Variants in NPAS3 observed in about 807,000 individuals in gnomAD.
NPAS3 encodes neuronal PAS domain-containing protein 3.
Under a neutral mutation model 73.1 loss-of-function variants are expected in NPAS3, and 14 were observed. The observed-to-expected ratio is 0.19, with a 90% CI of 0.13 to 0.30. The LOEUF (loss-of-function observed/expected upper bound fraction) is 0.30. Ranked by LOEUF, NPAS3 falls within the 10% of genes least tolerant of loss-of-function variation. The pLI is 1.00. For missense variants in NPAS3, 1,096 were observed against 1,250.0 expected (o/e 0.88, Z 1.86); for synonymous variants, 620 against 541.5 (o/e 1.14, Z -2.01).
At chr14:33,676,475 T>A in intron 6 of NPAS3, 90 bp downstream of exon 6, 1 of 1,105,948 alleles carries the variant, frequency 9.0e-7, no homozygotes, top group Non-Finnish European at 1.3e-6. Context: ...AGACTATAAA[T>A]AGGTCTAAGG....
chr14:33,695,377 G>C (rs745990959), intron 6 of NPAS3, among the ~76,000 whole-genome samples: 4 of 152,116 alleles, frequency 2.6e-5, no homozygotes, highest in Non-Finnish European at 2.9e-5. Flanking sequence ...GTTTCCCAAA[G>C]TGAAAATAAT....
chr14:33,665,494 C>T (rs1235615134), intron 5 of NPAS3, among the ~76,000 whole-genome samples: 2 of 152,010 alleles, frequency 1.3e-5, no homozygotes, highest in African/African-American at 2.4e-5. Flanking sequence ...AGACCTTTTC[C>T]GTAAAAGGTG....
chr14:33,285,029 C>A (rs184999121), intron 3 of NPAS3, among the ~76,000 whole-genome samples: 92 of 152,290 alleles, frequency 6.0e-4, no homozygotes, highest in African/African-American at 2.1e-3. Context: ...AAGTGGCTCT[C>A]ATGCACATTT....
chr14:33,566,446 C>CT (rs1280679692), intron 5 of NPAS3, among the ~76,000 whole-genome samples: 1 of 152,080 alleles, frequency 6.6e-6, no homozygotes, highest in Non-Finnish European at 1.5e-5. Context: ...TTCTTCCCCC[C>CT]TTTTCCTTCC....
At position 33,161,812 on chromosome 14, in the gene NPAS3, A is replaced by G. The variant is rs73270571; in HGVS notation, c.141-53370A>G. 8.9e-3 allele frequency among the ~76,000 whole-genome samples: 1,350 copies of G among 152,324 alleles called. 23 individuals are homozygous for G. The highest frequency in any genetic ancestry group is 0.031 in the African/African-American group (1,299 of 41,570). On this transcript the variant is annotated intron_variant, in intron 2 of 11. Transcript: ENST00000356141. ...ATTACAAATGTTCATAAGTACTTTG[A>G]AGGAAACAAGTAGGGGTTGAGGTAG...
intron 6 of NPAS3, among the ~76,000 whole-genome samples, chr14:33,695,028 A>C (rs1295705782): frequency 6.6e-6 from 1 of 152,102 alleles, no homozygotes; most frequent in Admixed American, 6.5e-5. Context: ...TCCTACCACC[A>C]CATCAGTTCT....
intron 4 of NPAS3, among the ~76,000 whole-genome samples, chr14:33,558,181 A>G (rs2055453151): frequency 6.6e-6 from 1 of 152,176 alleles, no homozygotes; most frequent in African/African-American, 2.4e-5. Flanking sequence ...TTCAGAACCC[A>G]AGAAATCAGA....
At chr14:33,687,328 C>T (rs143278273) in intron 6 of NPAS3, among the ~76,000 whole-genome samples, 329 of 152,198 alleles carry the variant, frequency 2.2e-3, no homozygotes, top group African/African-American at 4.9e-3. Flanking sequence ...AGTTCAAAGC[C>T]GTTTCTTTAC....
chr14:32,985,890 A>G (rs969194302), intron 1 of NPAS3, among the ~76,000 whole-genome samples: 27 of 152,208 alleles, frequency 1.8e-4, no homozygotes, highest in Admixed American at 1.6e-3. Context: ...GATCAAGGAT[A>G]TAAATGGCTT....
intron 5 of NPAS3, among the ~76,000 whole-genome samples, chr14:33,635,630 C>T (rs2058493084): frequency 1.3e-5 from 2 of 152,196 alleles, no homozygotes; most frequent in Non-Finnish European, 2.9e-5. Flanking sequence ...CTTCCTCTAA[C>T]TGTTCACCAG....
intron 1 of NPAS3, among the ~76,000 whole-genome samples, chr14:33,018,750 T>A (rs2039484281): frequency 6.6e-6 from 1 of 152,326 alleles, no homozygotes. Context: ...ACTGAATTCA[T>A]TAGGTTACAA....
chr14:33,520,061 G>A (rs2053489190), intron 4 of NPAS3, among the ~76,000 whole-genome samples: 2 of 152,110 alleles, frequency 1.3e-5, no homozygotes. Context: ...GGTTTAATTA[G>A]TTGTTGGATT....
chr14:33,491,517 C>T (rs1174612558), intron 4 of NPAS3, among the ~76,000 whole-genome samples: 1 of 152,052 alleles, frequency 6.6e-6, no homozygotes, highest in Non-Finnish European at 1.5e-5. Flanking sequence ...GTGGCTCATG[C>T]AACTGAGGAG....
rs567262764 is a variant in NPAS3, at chr14:33,203,781, A to G, written c.141-11401A>G. Among the ~76,000 whole-genome samples the G allele has an allele frequency of 7.9e-5, 12 of 152,276 alleles. No homozygotes were observed. In the East Asian group the frequency reaches 2.1e-3, roughly 27 times the overall value. Reference sequence around the variant, plus strand: ...TATTGTGAATAATGCCGCAATAAACATATGTGTGCATGTGTCTTTATAGCA... The same window carrying G: ...TATTGTGAATAATGCCGCAATAAACGTATGTGTGCATGTGTCTTTATAGCA... On this transcript the variant is annotated intron_variant, in intron 2 of 11. Coordinates refer to ENST00000356141, the Ensembl canonical transcript of NPAS3.
chr14:32,954,785 T>TC (rs1049415427), intron 1 of NPAS3, among the ~76,000 whole-genome samples: 4 of 152,188 alleles, frequency 2.6e-5, no homozygotes, highest in African/African-American at 9.6e-5. Context: ...ATCTTCTGAT[T>TC]CCATAGTAAC....
chr14:33,704,473 G>A (rs898114777), intron 6 of NPAS3, among the ~76,000 whole-genome samples: 6 of 152,134 alleles, frequency 3.9e-5, no homozygotes, highest in African/African-American at 1.4e-4. Flanking sequence ...AATTGATTGT[G>A]TAGAAAAATC....
intron 4 of NPAS3, among the ~76,000 whole-genome samples, chr14:33,373,323 T>C (rs1031839630): frequency 2.0e-5 from 3 of 152,114 alleles, no homozygotes; most frequent in African/African-American, 4.8e-5. Context: ...AAGTTAAACC[T>C]AGTACATGGA....
chr14:33,274,170 C>A (rs1192323021), intron 3 of NPAS3, among the ~76,000 whole-genome samples: 2 of 152,086 alleles, frequency 1.3e-5, no homozygotes, highest in African/African-American at 4.8e-5. Context: ...TCAGTGTTTG[C>A]CTTATTTGAA....
At chr14:33,615,408 G>A (rs1463555468) in intron 5 of NPAS3, among the ~76,000 whole-genome samples, 2 of 152,108 alleles carry the variant, frequency 1.3e-5, no homozygotes, top group East Asian at 1.9e-4. Context: ...GGGCAGAACC[G>A]GAGCAAGGGC....
Sources: gnomAD v4.1 joint callset for allele counts (sites outside exome capture counted in the v4.1 genomes callset) on GRCh38, gnomAD v4.1.1 for gene constraint, MANE v1.5 for transcripts, NCBI Gene and HGNC (gene_info 2026-07-23, HGNC 2026-07-21) for gene names.